The following KLF13 variants were observed in gnomAD, a reference collection of about 807,000 sequenced individuals.
KLF13 encodes the protein Krueppel-like factor 13.
Under a neutral mutation model 16.7 loss-of-function variants are expected in KLF13, and 8 were observed. The ratio of observed to expected loss-of-function variants is 0.48; its 90% CI spans 0.28 to 0.87. The LOEUF is 0.87. KLF13 is among the 40% of genes least tolerant of loss of function. The pLI, the probability that KLF13 is intolerant of heterozygous loss-of-function variation, is 0.10. For synonymous variants in KLF13, 245 were observed against 208.4 expected (o/e 1.18, Z -1.51); for missense variants, 447 against 452.2 (o/e 0.99, Z 0.10).
At chr15:31,409,918 T>A (rs1337841373) in intron 1 of KLF13, among the ~76,000 whole-genome samples, 2 of 152,070 alleles carry the variant, frequency 1.3e-5, no homozygotes, top group African/African-American at 4.8e-5. Context: ...ACCAACAGAA[T>A]CTTGAATTTA....
exon 1 of KLF13, chr15:31,393,077 C>T (rs1460667425): frequency 2.6e-5 from 4 of 152,516 alleles, no homozygotes; most frequent in Non-Finnish European, 5.9e-5. Context: ...AGCCTGGAGG[C>T]GGGCGCGCGA....
At chr15:31,388,331 G>C (rs1008132406), upstream of KLF13, among the ~76,000 whole-genome samples, 2 of 152,142 alleles carry the variant, frequency 1.3e-5, no homozygotes, top group African/African-American at 2.4e-5. Context: ...AAACAGAAAG[G>C]CTGGGTGTGG....
chr15:31,336,643 A>G (rs950727901), intron 1 of KLF13, among the ~76,000 whole-genome samples: 6 of 152,196 alleles, frequency 3.9e-5, no homozygotes, highest in Non-Finnish European at 5.9e-5. Flanking sequence ...ATGGCAGAGC[A>G]TGAATAGGGG....
chr15:31,390,727 C>A (rs2039852273), upstream of KLF13, among the ~76,000 whole-genome samples: 1 of 152,132 alleles, frequency 6.6e-6, no homozygotes, highest in African/African-American at 2.4e-5. Flanking sequence ...CCTCCCTCTA[C>A]ATTCTTTTCT....
At chr15:31,348,094 G>A (rs960525459) in intron 1 of KLF13, among the ~76,000 whole-genome samples, 5 of 152,250 alleles carry the variant, frequency 3.3e-5, no homozygotes, top group Admixed American at 6.5e-5. Flanking sequence ...CGAACCCCAG[G>A]TGTTCTTGCT....
intron 1 of KLF13, among the ~76,000 whole-genome samples, chr15:31,336,326 G>A (rs1182643619): frequency 1.3e-5 from 2 of 152,198 alleles, no homozygotes; most frequent in African/African-American, 4.8e-5. Context: ...GGGGATGGCA[G>A]GAGCCTTGTG....
At chr15:31,361,580 G>A (rs2039388909) in intron 1 of KLF13, among the ~76,000 whole-genome samples, 1 of 152,124 alleles carries the variant, frequency 6.6e-6, no homozygotes, top group South Asian at 2.1e-4. Context: ...GGCAGGGGGA[G>A]GAAATGAAGG....
At chr15:31,420,374 C>T (rs1408861575) in intron 1 of KLF13, 2 of 1,138,952 alleles carry the variant, frequency 1.8e-6, no homozygotes, top group Non-Finnish European at 2.6e-6. Context: ...TAAGCTCTTG[C>T]TAGAGTTCCC....
rs562934413 is a variant in KLF13, at chr15:31,351,491, C to T, written c.578-20519C>T. ...CTGGTCTGAGTGGTTGCCCCGTGTG[C>T]GCTTGTCTTGCACTGAGAGCTCCAG... On this transcript the variant is annotated intron_variant, in intron 1 of 1. Coordinates refer to ENST00000307145, the MANE Select transcript of KLF13 (RefSeq NM_015995.4). Among the ~76,000 whole-genome samples, 6 of 152,234 alleles carry T rather than the reference C, an allele frequency of 3.9e-5. No homozygotes were observed. The South Asian group carries it at 6.2e-4, about 16-fold the overall frequency.
At chr15:31,397,250 C>A (rs1295079461) in intron 2 of KLF13, among the ~76,000 whole-genome samples, 1 of 52,088 alleles carries the variant, frequency 1.9e-5, no homozygotes, top group South Asian at 4.6e-4. Context: ...GTGGGGCGGG[C>A]AGGGCAGGGC....
intron 1 of KLF13, among the ~76,000 whole-genome samples, chr15:31,361,155 G>C (rs1385734368): frequency 2.0e-5 from 3 of 152,224 alleles, no homozygotes; most frequent in African/African-American, 7.2e-5. Flanking sequence ...GAGCCTGGCT[G>C]TGGGGGCAGC....
intron 2 of KLF13, among the ~76,000 whole-genome samples, chr15:31,403,027 G>A (rs1003903144): frequency 1.3e-5 from 2 of 152,160 alleles, no homozygotes; most frequent in African/African-American, 4.8e-5. Context: ...TGCCAGGAAG[G>A]GCATGCTAGT....
chr15:31,327,184 G>A lies in KLF13; in HGVS notation c.-29G>A, dbSNP rs1171355977. On this transcript the variant is annotated 5_prime_UTR_variant, in exon 1 of 2. Coordinates refer to ENST00000307145, the MANE Select transcript of KLF13 (RefSeq NM_015995.4). ...ATGCGCGGCTGACGACTCGCAGCAA[G>A]AGCACCGCCGCCGGCCCCAGCCCGC... is the stretch of plus-strand genomic sequence containing the variant. 6.5e-6 allele frequency: 8 copies of A among 1,229,710 alleles called. No homozygotes were observed. In the Admixed American group the frequency reaches 1.9e-4, roughly 29 times the overall value. 76.2% of individuals were successfully genotyped at this position (1,229,710 alleles called of 1,614,324 possible).
At chr15:31,430,965 C>T (rs936693969) in intron 1 of KLF13, among the ~76,000 whole-genome samples, 3 of 152,110 alleles carry the variant, frequency 2.0e-5, no homozygotes, top group Non-Finnish European at 4.4e-5. Flanking sequence ...TTCATCATAG[C>T]CCCTGCTACG....
At chr15:31,425,648 G>A (rs974031644) in intron 1 of KLF13, among the ~76,000 whole-genome samples, 2 of 152,034 alleles carry the variant, frequency 1.3e-5, no homozygotes, top group Non-Finnish European at 2.9e-5. Flanking sequence ...AGGCTGAGGC[G>A]GGCAGATCAC....
At chr15:31,331,679 C>G (rs545514471) in intron 1 of KLF13, among the ~76,000 whole-genome samples, 1 of 152,218 alleles carries the variant, frequency 6.6e-6, no homozygotes, top group Non-Finnish European at 1.5e-5. Context: ...CCCTCCCTCT[C>G]GTACCCTCGC....
chr15:31,423,090 CG>C (rs1472118286), intron 1 of KLF13, among the ~76,000 whole-genome samples: 1 of 135,002 alleles, frequency 7.4e-6, no homozygotes, highest in African/African-American at 2.8e-5. Context: ...CATATATATA[CG>C]TATATATACG....
At chr15:31,361,156 TGGGGGCAGC>T (rs1419087654) in intron 1 of KLF13, among the ~76,000 whole-genome samples, 1 of 152,174 alleles carries the variant, frequency 6.6e-6, no homozygotes, top group Non-Finnish European at 1.5e-5. Context: ...AGCCTGGCTG[TGGGGGCAGC>T]AGGGGCCCCT....
At chr15:31,355,019 TTGG>T (rs1369956095) in intron 1 of KLF13, among the ~76,000 whole-genome samples, 2 of 152,020 alleles carry the variant, frequency 1.3e-5, no homozygotes, top group Non-Finnish European at 1.5e-5. Flanking sequence ...ACCCCCGGGC[TTGG>T]GGTTGGAGCC....
Sources: gnomAD v4.1 joint callset for allele counts (sites outside exome capture counted in the v4.1 genomes callset) on GRCh38, gnomAD v4.1.1 for gene constraint, MANE v1.5 for transcripts, NCBI Gene and HGNC (gene_info 2026-07-23, HGNC 2026-07-21) for gene names.